SLC25A16: variants seen among roughly 807,000 people sequenced by gnomAD.
SLC25A16 encodes the protein mitochondrial coenzyme A transporter SLC25A16.
A neutral mutation model predicts 41.5 loss-of-function variants in SLC25A16; 39 were observed. That is an observed-to-expected ratio of 0.94 (90% CI 0.73 to 1.23). The LOEUF (loss-of-function observed/expected upper bound fraction) is 1.23, where lower values mean the gene tolerates loss of function less well. Among genes scored for constraint, SLC25A16 ranks in the 50% most tolerant of loss-of-function variants. The pLI is 0.00. For synonymous variants in SLC25A16, 146 were observed against 147.8 expected (o/e 0.99, Z 0.09); for missense variants, 421 against 426.9 (o/e 0.99, Z 0.12).
chr10:68,524,182 C>A (rs1051034064), intron 1 of SLC25A16, among the ~76,000 whole-genome samples: 1 of 151,314 alleles, frequency 6.6e-6, no homozygotes, highest in Non-Finnish European at 1.5e-5. Context: ...TGGTGGCGGG[C>A]GCCTGTAGTC....
chr10:68,499,552 G>T, intron 4 of SLC25A16: 1 of 231,438 alleles, frequency 4.3e-6, no homozygotes, highest in South Asian at 6.6e-5. Flanking sequence ...ATCCCTTTGT[G>T]ACTTCCAACC....
At chr10:68,487,977 C>T (rs1006967643) in intron 7 of SLC25A16, among the ~76,000 whole-genome samples, 2 of 151,986 alleles carry the variant, frequency 1.3e-5, no homozygotes, top group South Asian at 2.1e-4. Context: ...CTCAACCTCC[C>T]GAGTAGCTGG....
At chr10:68,490,788 AT>A (rs531741393) in intron 6 of SLC25A16, among the ~76,000 whole-genome samples, 1 of 152,204 alleles carries the variant, frequency 6.6e-6, no homozygotes, top group African/African-American at 2.4e-5. Flanking sequence ...TCAGAAGAAA[AT>A]TTTTTTGACA....
Position 68,481,349 on chromosome 10 carries a change from T to C in SLC25A16, c.*2083A>G, listed in dbSNP as rs571389348. 6.6e-6 allele frequency: 1 copy of C among 152,290 alleles called. No homozygotes were observed. The highest frequency in any genetic ancestry group is 3.4e-3 in the Middle Eastern group (1 of 294). 9.4% of individuals were successfully genotyped at this position (152,290 alleles called of 1,614,324 possible). Reference sequence around the variant, plus strand: ...TCATACAAAGATACATACTTATTTTTAAAATAAAGGCTTTCAAAATGAAAC... The same window carrying C: ...TCATACAAAGATACATACTTATTTTCAAAATAAAGGCTTTCAAAATGAAAC... On this transcript the variant is annotated 3_prime_UTR_variant, in exon 9 of 9. Coordinates refer to ENST00000609923, the MANE Select transcript of SLC25A16 (RefSeq NM_152707.4).
intron 3 of SLC25A16, among the ~76,000 whole-genome samples, chr10:68,505,755 C>T (rs2052941274): frequency 1.3e-5 from 2 of 151,948 alleles, no homozygotes; most frequent in African/African-American, 4.8e-5. Context: ...TAAATAAAGG[C>T]CGGGCACGGT....
chr10:68,490,152 C>T (rs2052632183), intron 6 of SLC25A16, among the ~76,000 whole-genome samples: 1 of 151,944 alleles, frequency 6.6e-6, no homozygotes, highest in Non-Finnish European at 1.5e-5. Flanking sequence ...GTCCCAGTTA[C>T]TCAGGCAGCT....
intron 2 of SLC25A16, among the ~76,000 whole-genome samples, chr10:68,511,942 T>C (rs1339157772): frequency 1.3e-5 from 2 of 152,032 alleles, no homozygotes; most frequent in African/African-American, 4.8e-5. Context: ...CTGCAACCTC[T>C]ACCTCCTGGG....
Position 68,482,042 on chromosome 10 carries a change from G to A in SLC25A16, c.*1390C>T, listed in dbSNP as rs11813313. On this transcript the variant is annotated 3_prime_UTR_variant, in exon 9 of 9. Transcript: ENST00000609923. ...ATCCTGGCTAACACGGTGAAATCCC[G>A]TCTCTACTAAAAATACAAAAATTAG... The A allele has an allele frequency of 0.089, 13,555 of 152,148 alleles. 930 individuals are homozygous for A. The highest frequency in any genetic ancestry group is 0.25 in the South Asian group (1,187 of 4,818). 9.4% of individuals were successfully genotyped at this position (152,148 alleles called of 1,614,324 possible). A position where few individuals can be genotyped will look rare whatever the true frequency, so the allele number is the denominator to read the frequency against.
At chr10:68,514,600 A>C (rs1464503024) in intron 2 of SLC25A16, among the ~76,000 whole-genome samples, 1 of 152,216 alleles carries the variant, frequency 6.6e-6, no homozygotes, top group Non-Finnish European at 1.5e-5. Flanking sequence ...CGCAAGGTCA[A>C]AGAATAGGTA....
chr10:68,507,936 TAAG>T (rs1203676899), intron 2 of SLC25A16, among the ~76,000 whole-genome samples: 13 of 152,282 alleles, frequency 8.5e-5, no homozygotes, highest in South Asian at 2.1e-4. Context: ...AACATTCTGG[TAAG>T]AAGAATTCTG....
At chr10:68,525,914 G>A (rs1179301243) in intron 1 of SLC25A16, among the ~76,000 whole-genome samples, 3 of 152,054 alleles carry the variant, frequency 2.0e-5, no homozygotes, top group Non-Finnish European at 2.9e-5. Flanking sequence ...TGCTCCTTAA[G>A]AGTCATCACC....
chr10:68,506,525 C>T (rs2052957271), intron 3 of SLC25A16, 60 bp downstream of exon 3: 5 of 1,164,432 alleles, frequency 4.3e-6, no homozygotes, highest in East Asian at 2.8e-5. Flanking sequence ...AAAGCAAATG[C>T]CTGGTCAAGC....
chr10:68,487,734 T>G (rs1399945865), intron 7 of SLC25A16, among the ~76,000 whole-genome samples: 3 of 152,222 alleles, frequency 2.0e-5, no homozygotes, highest in African/African-American at 7.2e-5. Flanking sequence ...AGTAGAGAAC[T>G]GCTCTAATGC....
Position 68,503,613 on chromosome 10 carries a change from T to G in SLC25A16, c.421+19A>C. On this transcript the variant is annotated intron_variant, in intron 4 of 8. Transcript: ENST00000609923. ...GAAAATTAATTTGTCAGAAATAAAA[T>G]ATACCTAACTCCTCTTACCTGCCAT... 2 of 1,492,742 alleles carry G rather than the reference T, an allele frequency of 1.3e-6. No individual in the cohort carries two copies. The highest frequency in any genetic ancestry group is 2.8e-5 in the African/African-American group (2 of 71,834). 92.5% of individuals were successfully genotyped at this position (1,492,742 alleles called of 1,614,324 possible).
At chr10:68,506,745 A>C in intron 2 of SLC25A16, 27 bp from the exon 3 acceptor site, 1 of 1,470,046 alleles carries the variant, frequency 6.8e-7, no homozygotes, top group African/African-American at 1.4e-5. Context: ...AATGCTGTTA[A>C]AACAGAGAAA....
intron 8 of SLC25A16, among the ~76,000 whole-genome samples, chr10:68,486,095 G>A (rs2052555671): frequency 6.6e-6 from 1 of 151,214 alleles, no homozygotes; most frequent in South Asian, 2.1e-4. Flanking sequence ...GCAGGTACCT[G>A]TAATCCCAGG....
chr10:68,487,161 C>T lies in SLC25A16; in HGVS notation c.825G>A (p.Pro275=), dbSNP rs199990640. 86 of 1,613,030 alleles carry T rather than the reference C, an allele frequency of 5.3e-5. No homozygotes were observed. In the African/African-American group the frequency reaches 6.0e-4, roughly 11 times the overall value. Residue 275 remains proline (P), a synonymous_variant, in exon 8 of 9, where the codon CCG becomes CCA. Coordinates refer to ENST00000609923, the MANE Select transcript of SLC25A16 (RefSeq NM_152707.4). ...RRRMQLGTVL[P]EFEKCLTMRD... ...GAACTTACAGGCACTTTTCAAATTC[C>T]GGCAGAACAGTTCCTAATTGCATTC...
intron 1 of SLC25A16, among the ~76,000 whole-genome samples, chr10:68,526,168 C>G (rs2053334894): frequency 6.6e-6 from 1 of 151,462 alleles, no homozygotes; most frequent in Non-Finnish European, 1.5e-5. Context: ...CATCTGTCTC[C>G]TGCCTGTCCC....
chr10:68,493,635 A>T, intron 4 of SLC25A16, 65 bp from the exon 5 acceptor site: 1 of 1,254,594 alleles, frequency 8.0e-7, no homozygotes, highest in Non-Finnish European at 1.2e-6. Context: ...TTCCCCTATC[A>T]TTAGTATTAT....
Sources: gnomAD v4.1 joint callset for allele counts (sites outside exome capture counted in the v4.1 genomes callset) on GRCh38, gnomAD v4.1.1 for gene constraint, MANE v1.5 for transcripts, NCBI Gene and HGNC (gene_info 2026-07-23, HGNC 2026-07-21) for gene names.